The following ACSBG1 variants were observed in gnomAD, a reference collection of about 807,000 sequenced individuals.
The protein encoded by ACSBG1 is long-chain-fatty-acid--CoA ligase ACSBG1.
A neutral mutation model predicts 80.2 loss-of-function variants in ACSBG1; 39 were observed. That is an observed-to-expected ratio of 0.49 (90% confidence interval 0.38 to 0.64). The LOEUF (loss-of-function observed/expected upper bound fraction) is 0.64. Among genes scored for constraint, ACSBG1 ranks in the 30% least tolerant of loss-of-function variants. The pLI, the probability that ACSBG1 is intolerant of heterozygous loss-of-function variation, is 0.00. For missense variants in ACSBG1, 828 were observed against 966.4 expected, an observed-to-expected ratio of 0.86 and a Z score of 1.90; for synonymous variants, 392 against 379.5, an observed-to-expected ratio of 1.03 and a Z score of -0.38.
At chr15:78,197,899 A>T (rs181721335) in intron 2 of ACSBG1, among the ~76,000 whole-genome samples, 1 of 152,080 alleles carries the variant, frequency 6.6e-6, no homozygotes, top group Non-Finnish European at 1.5e-5. Context: ...AGAAAAGGTG[A>T]CTTTCTCCCG....
At chr15:78,181,223 A>C in intron 8 of ACSBG1, 3 of 405,950 alleles carry the variant, frequency 7.4e-6, no homozygotes, top group South Asian at 7.8e-5. Context: ...CAAGAATCCC[A>C]TTCCCCTCGG....
chr15:78,226,378 GCTGCAT>G (rs1164297011), intron 1 of ACSBG1: 3 of 152,200 alleles, frequency 2.0e-5, no homozygotes, highest in Non-Finnish European at 4.4e-5. Flanking sequence ...TATCTTAGAG[GCTGCAT>G]ACTGCACCTA....
At chr15:78,180,714 C>T in intron 9 of ACSBG1, 41 bp downstream of exon 9, 1 of 1,596,150 alleles carries the variant, frequency 6.3e-7, no homozygotes. Flanking sequence ...ATGACCCAGC[C>T]CACTCTCTCC....
chr15:78,208,146 GGGGACCGGCCTGGGCTTA>G (rs1301762605), intron 1 of ACSBG1, 44 bp from the exon 2 acceptor site: 5 of 1,524,544 alleles, frequency 3.3e-6, no homozygotes, highest in Non-Finnish European at 4.5e-6. Context: ...TTAGAACGTG[GGGGACCGGCCTGGGCTTA>G]GGGACTCCGG....
intron 2 of ACSBG1, among the ~76,000 whole-genome samples, chr15:78,199,246 A>AT (rs965714460): frequency 1.3e-5 from 2 of 151,460 alleles, no homozygotes; most frequent in Admixed American, 6.6e-5. Flanking sequence ...AGCCCAGCTA[A>AT]TTTTTTTTGT....
At chr15:78,208,508 GGGGTTCCCCC>G (rs2075237910) in intron 1 of ACSBG1, among the ~76,000 whole-genome samples, 1 of 152,208 alleles carries the variant, frequency 6.6e-6, no homozygotes. Flanking sequence ...TTTTGGGGCG[GGGGTTCCCCC>G]ATCTGTCACT....
chr15:78,174,423 C>A lies in ACSBG1; in HGVS notation c.1804G>T (p.Asp602Tyr). 6.2e-7 allele frequency: 1 copy of A among 1,614,182 alleles called. No homozygotes were observed. Among genetic ancestry groups the A allele is most frequent in the South Asian group, 1.1e-5 (1 of 91,080 alleles). Residue 602 changes from aspartate to tyrosine, a missense_variant, in exon 12 of 14, where the codon GAC becomes TAC. This residue lies in a region of ACSBG1 where 201 missense variants were observed against 227.0 expected (regional missense o/e 0.89). Coordinates refer to ENST00000258873, the MANE Select transcript of ACSBG1 (RefSeq NM_015162.5). ...AGCATGGACAGGAACTTCCTCTGGT[C>A]CCCAATGAGCATGGCGTTGCTGATG... ...PIISNAMLIG[D>Y]QRKFLSMLLT...
At chr15:78,173,367 AAAG>A (rs2074846699) in intron 13 of ACSBG1, among the ~76,000 whole-genome samples, 1 of 145,650 alleles carries the variant, frequency 6.9e-6, no homozygotes, top group African/African-American at 2.6e-5. Flanking sequence ...AAAAAAAAAA[AAAG>A]GAAGTTCTAG....
At position 78,178,751 on chromosome 15, in the gene ACSBG1, C is replaced by A; in HGVS notation, c.1565G>T (p.Gly522Val). Reference protein sequence around the residue: ...AEGIGEICLWGRTIFMGYLNM... With the variant: ...AEGIGEICLWVRTIFMGYLNM... ...CAGGTAGCCCATGAATATGGTGCGG[C>A]CCCACAGGCAGATCTCGCCAATGCC... The change falls in exon 11 of 14, where the codon GGC (glycine) becomes GTC (valine). Residue 522 changes from glycine to valine, a missense_variant. By Grantham distance (109) the Gly-to-Val change is moderately radical (BLOSUM62 -3). This residue lies in a region of ACSBG1 where 271 missense variants were observed against 375.9 expected (regional missense o/e 0.72). Transcript: ENST00000258873. This position sits in a 1 kb window ranked among gnomAD's most constrained non-coding sequence, Gnocchi z 4.3. 1 of 1,614,164 alleles carries A rather than the reference C, an allele frequency of 6.2e-7. No individual in the cohort carries two copies. Among genetic ancestry groups the A allele is most frequent in the South Asian group, 1.1e-5 (1 of 91,086 alleles).
At chr15:78,191,224 C>T (rs561687100) in intron 5 of ACSBG1, among the ~76,000 whole-genome samples, 38 of 152,166 alleles carry the variant, frequency 2.5e-4, no homozygotes, top group African/African-American at 5.8e-4. Context: ...AATCTAAACA[C>T]GTATATGCCT....
Position 78,182,093 on chromosome 15 carries a change from T to A in ACSBG1, c.947A>T (p.Glu316Val). ...GSQAGDIRPA[E>V]VQQEVVVSYL... ...GCTGACTACCACCTCCTGCTGGACT[T>A]CTGCCGGCCGGATGTCACCGGCCTG... Residue 316 changes from glutamate (E) to valine (V), a missense_variant, in exon 8 of 14, where the codon GAA becomes GTA. Around this residue, in one of 3 missense-constraint regions of ACSBG1, gnomAD observed 271 missense variants for 375.9 expected, o/e 0.72. Transcript: ENST00000258873. The A allele has an allele frequency of 6.2e-7, 1 of 1,613,110 alleles. No homozygotes were observed. Among genetic ancestry groups the A allele is most frequent in the Non-Finnish European group, 8.5e-7 (1 of 1,179,996 alleles).
At chr15:78,233,029 T>C (rs1303502986) in intron 1 of ACSBG1, among the ~76,000 whole-genome samples, 1 of 152,244 alleles carries the variant, frequency 6.6e-6, no homozygotes, top group African/African-American at 2.4e-5. Context: ...CTGGCCTTCC[T>C]GCTCTCTGAG....
In ACSBG1 at chr15:78,178,978, C is replaced by T; in HGVS notation, c.1485-147G>A. The T allele has an allele frequency of 1.3e-6, 1 of 763,360 alleles. No individual in the cohort carries two copies. Among genetic ancestry groups the T allele is most frequent in the Non-Finnish European group, 2.1e-6 (1 of 486,866 alleles). The allele number at this position is 763,360 out of a possible 1,614,324, so 47.3% of individuals were successfully genotyped here. A position where few individuals can be genotyped will look rare whatever the true frequency, so the allele number is the denominator to read the frequency against. On this transcript the variant is annotated intron_variant, in intron 10 of 13. Coordinates refer to ENST00000258873, the MANE Select transcript of ACSBG1 (RefSeq NM_015162.5). The surrounding 1 kb of genome is among the most constrained non-coding windows in gnomAD (Gnocchi z 4.3). ...CTTTTGTATTTTTACAGGGGACTTA[C>T]AGCTGAAAGGTAGAGCCAAGTAAAG...
chr15:78,167,797 A>G lies in ACSBG1; in HGVS notation c.*3647T>C, dbSNP rs531577863. 1 of 152,312 alleles carries G rather than the reference A, an allele frequency of 6.6e-6. No individual in the cohort carries two copies. The highest frequency in any genetic ancestry group is 2.1e-4 in the South Asian group (1 of 4,828). 9.4% of individuals were successfully genotyped at this position (152,312 alleles called of 1,614,324 possible). ...AGTCTGGCTTATTTCACTTAGCGTA[A>G]TATCTTCAAAGTTGGTCCCTTCTTT... On this transcript the variant is annotated 3_prime_UTR_variant, in exon 14 of 14. Coordinates refer to ENST00000258873, the MANE Select transcript of ACSBG1 (RefSeq NM_015162.5).
Position 78,178,631 on chromosome 15 carries a change from A to T in ACSBG1, c.1685T>A (p.Ile562Asn). 6.2e-7 allele frequency: 1 copy of T among 1,612,646 alleles called. No individual in the cohort carries two copies. Among genetic ancestry groups the T allele is most frequent in the Non-Finnish European group, 8.5e-7 (1 of 1,179,552 alleles). Residue 562 changes from isoleucine to asparagine, a missense_variant, in exon 11 of 14, where the codon ATC becomes AAC. Ile to Asn is a moderately radical substitution (Grantham distance 149). Transcript: ENST00000258873. This position sits in a 1 kb window ranked among gnomAD's most constrained non-coding sequence, Gnocchi z 4.3. ...GTGCTCACCTTTGAGGCGCCCAGTG[A>T]TGTAGAGGAAGCCATCGGCGTCCAG... ...GRLDADGFLY[I>N]TGRLKELIIT...
chr15:78,197,316 G>A (rs1217094669), intron 2 of ACSBG1, among the ~76,000 whole-genome samples: 5 of 152,120 alleles, frequency 3.3e-5, no homozygotes, highest in African/African-American at 9.7e-5. Flanking sequence ...ACATTGGATT[G>A]TGGGGATGTT....
rs2075093484 is a variant in ACSBG1, at chr15:78,194,568, C to T, written c.391G>A (p.Glu131Lys). 1 of 1,614,124 alleles carries T rather than the reference C, an allele frequency of 6.2e-7. No homozygotes were observed. Among genetic ancestry groups the T allele is most frequent in the Non-Finnish European group, 8.5e-7 (1 of 1,180,056 alleles). Residue 131 changes from glutamate to lysine, a missense_variant, in exon 3 of 14, where the codon GAA becomes AAA. Physicochemically the swap from Glu to Lys is moderately conservative, Grantham distance 56. This residue lies in a region of ACSBG1 where 356 missense variants were observed against 363.5 expected (regional missense o/e 0.98). Coordinates refer to ENST00000258873, the MANE Select transcript of ACSBG1 (RefSeq NM_015162.5). ...TAGTATTGGGAGTAGGAGATGTGTT[C>T]CCACTTGTCCTGGCGCTTGAAGCCC... is the stretch of plus-strand genomic sequence containing the variant. ...ALGFKRQDKWEHISYSQYYLL... is the reference protein window; with the variant it reads ...ALGFKRQDKWKHISYSQYYLL...
chr15:78,215,724 GAGAAAGAAAGAAAGAAAGAAAGAA>G (rs56078523), intron 1 of ACSBG1, among the ~76,000 whole-genome samples: 508 of 116,632 alleles, frequency 4.4e-3, no homozygotes, highest in Middle Eastern at 0.013. Context: ...AAGAAAGAAA[GAGAAAGAAAGAAAGAAAGAAAGAA>G]AGAAAGAAAG....
chr15:78,182,060 G>A lies in ACSBG1; in HGVS notation c.980C>T (p.Pro327Leu). 1 of 1,613,980 alleles carries A rather than the reference G, an allele frequency of 6.2e-7. No homozygotes were observed. The highest frequency in any genetic ancestry group is 8.5e-7 in the Non-Finnish European group (1 of 1,180,018). ...VQQEVVVSYL[P>L]LSHIAAQIYD... The stretch of plus-strand genomic sequence containing the variant: ...GATCTGGGCGGCAATATGGCTGAGG[G>A]GCAGGTAGCTGACTACCACCTCCTG... The change falls in exon 8 of 14, where the codon CCC becomes CTC. Residue 327 changes from proline (P) to leucine (L), a missense_variant. Transcript: ENST00000258873.
Sources: allele counts gnomAD v4.1 joint callset (sites outside exome capture counted in the v4.1 genomes callset), GRCh38; gene constraint gnomAD v4.1.1; regional missense constraint gnomAD v4.1.1; non-coding constraint Gnocchi (gnomAD v3.1); transcripts MANE v1.5; gene names NCBI Gene and HGNC (gene_info 2026-07-23, HGNC 2026-07-21).